Variants in CDH18 observed in about 807,000 individuals in gnomAD.
CDH18 encodes the protein cadherin-18.
In CDH18, 31 loss-of-function variants were observed where a neutral mutation model predicts 67.9. The ratio of observed to expected loss-of-function variants is 0.46; its 90% CI spans 0.34 to 0.62. The LOEUF (loss-of-function observed/expected upper bound fraction) is 0.62. Among genes scored for constraint, CDH18 ranks in the 20% least tolerant of loss-of-function variants. CDH18 has a pLI of 0.01. For synonymous variants in CDH18, 362 were observed against 347.2 expected (o/e 1.04, Z -0.48); for missense variants, 890 against 975.5 (o/e 0.91, Z 1.17).
intron 4 of CDH18, among the ~76,000 whole-genome samples, chr5:19,737,146 GT>G (rs538970553): frequency 3.0e-4 from 46 of 151,906 alleles, no homozygotes; most frequent in African/African-American, 8.2e-4. Context: ...CCTTCACAGT[GT>G]TTTTTTTCTA....
intron 2 of CDH18, among the ~76,000 whole-genome samples, chr5:20,037,887 A>T (rs200194464): frequency 6.6e-6 from 1 of 152,202 alleles, no homozygotes; most frequent in East Asian, 1.9e-4. Flanking sequence ...GACACAAAAA[A>T]CCCTTCAAAA....
intron 1 of CDH18, among the ~76,000 whole-genome samples, chr5:20,386,258 G>T (rs149976960): frequency 1.7e-4 from 26 of 152,116 alleles, no homozygotes; most frequent in South Asian, 8.3e-4. Context: ...CATGCTGTCC[G>T]TTTAAGCAGA....
At chr5:19,950,194 A>G (rs1795658081) in intron 2 of CDH18, among the ~76,000 whole-genome samples, 1 of 152,014 alleles carries the variant, frequency 6.6e-6, no homozygotes, top group Non-Finnish European at 1.5e-5. Context: ...TAAGATATAA[A>G]AGGGAATGAA....
chr5:20,125,310 TTG>T (rs369804573), intron 2 of CDH18, among the ~76,000 whole-genome samples: 1 of 151,436 alleles, frequency 6.6e-6, no homozygotes, highest in East Asian at 1.9e-4. Context: ...GTATATGTGT[TTG>T]TGTGTGGATG....
chr5:20,189,036 C>T (rs1221917241), intron 2 of CDH18, among the ~76,000 whole-genome samples: 1 of 151,930 alleles, frequency 6.6e-6, no homozygotes, highest in Non-Finnish European at 1.5e-5. Flanking sequence ...ATGGCAATCC[C>T]CCAGATTAAT....
chr5:20,571,727 CTGA>C (rs1255722935), intron 1 of CDH18, among the ~76,000 whole-genome samples: 1 of 152,106 alleles, frequency 6.6e-6, no homozygotes, highest in Non-Finnish European at 1.5e-5. Flanking sequence ...AACTTCTACA[CTGA>C]TAAGTCAAGG....
intron 5 of CDH18, among the ~76,000 whole-genome samples, chr5:19,704,325 A>G (rs1051233091): frequency 8.5e-5 from 13 of 152,178 alleles, no homozygotes; most frequent in African/African-American, 3.1e-4. Flanking sequence ...CCTGAAGTAT[A>G]TCAAAGTAGT....
At chr5:20,003,145 G>C (rs1477709366) in intron 2 of CDH18, among the ~76,000 whole-genome samples, 1 of 152,132 alleles carries the variant, frequency 6.6e-6, no homozygotes, top group Admixed American at 6.5e-5. Context: ...GATGTGAAAA[G>C]ATAAGTGTGT....
intron 1 of CDH18, among the ~76,000 whole-genome samples, chr5:20,528,554 C>A (rs1186137098): frequency 1.3e-5 from 2 of 152,068 alleles, no homozygotes; most frequent in South Asian, 2.1e-4. Flanking sequence ...AACAAACTGT[C>A]TTTCAGAACA....
intron 4 of CDH18, among the ~76,000 whole-genome samples, chr5:19,745,469 A>C (rs193049896): frequency 6.6e-6 from 1 of 152,256 alleles, no homozygotes; most frequent in Admixed American, 6.5e-5. Flanking sequence ...GCTCACCAGG[A>C]GCACTCTCAC....
At position 19,994,855 on chromosome 5, in the gene CDH18, T is replaced by TATATATATATAGAGAGAG. The variant is rs760777430; in HGVS notation, c.-517-2842_-517-2841insCTCTCTCTATATATATAT. The stretch of plus-strand genomic sequence containing the variant: ...ATATATATATATATATATATATATA[T>TATATATATATAGAGAGAG]AGAGAGAGAGAGAGAGAGAGAGATG... On this transcript the variant is annotated intron_variant, in intron 2 of 14. Coordinates refer to the CDH18 transcript ENST00000507958. Among the ~76,000 whole-genome samples, 22 of 67,586 alleles carry TATATATATATAGAGAGAG rather than the reference T, an allele frequency of 3.3e-4. 2 individuals are homozygous for TATATATATATAGAGAGAG. Among genetic ancestry groups the TATATATATATAGAGAGAG allele is most frequent in the African/African-American group, 1.4e-3 (19 of 13,586 alleles). 44.3% of individuals were successfully genotyped at this position (67,586 alleles called of 152,430 possible).
chr5:20,504,760 ATTTTT>A (rs70954666), intron 1 of CDH18, among the ~76,000 whole-genome samples: 1 of 67,984 alleles, frequency 1.5e-5, no homozygotes, highest in African/African-American at 5.4e-5. Context: ...ACAAAAGGGA[ATTTTT>A]TTTTTTTTTT....
chr5:19,879,704 G>A (rs980877003), intron 2 of CDH18, among the ~76,000 whole-genome samples: 2 of 151,864 alleles, frequency 1.3e-5, no homozygotes, highest in African/African-American at 4.8e-5. Context: ...ATAGGAAATG[G>A]GATATGTGTG....
At chr5:19,776,750 A>C (rs1774429430) in intron 3 of CDH18, among the ~76,000 whole-genome samples, 1 of 152,196 alleles carries the variant, frequency 6.6e-6, no homozygotes, top group African/African-American at 2.4e-5. Flanking sequence ...AAGACTATAT[A>C]AGTGGGAGCT....
At chr5:20,010,146 C>T (rs1286350655) in intron 2 of CDH18, among the ~76,000 whole-genome samples, 2 of 145,576 alleles carry the variant, frequency 1.4e-5, no homozygotes, top group Non-Finnish European at 3.0e-5. Context: ...TACCACACAA[C>T]CTAGTGGAAA....
chr5:19,514,338 T>C (rs1189965687), intron 10 of CDH18, among the ~76,000 whole-genome samples: 1 of 152,232 alleles, frequency 6.6e-6, no homozygotes, highest in Non-Finnish European at 1.5e-5. Context: ...TAGCATGGTG[T>C]ATAATCCTTT....
chr5:19,865,458 A>C (rs1785383954), intron 2 of CDH18, among the ~76,000 whole-genome samples: 1 of 152,140 alleles, frequency 6.6e-6, no homozygotes, highest in South Asian at 2.1e-4. Context: ...GGGCAAATTT[A>C]AATAGTCATT....
chr5:20,020,565 GC>G (rs2150432106), intron 2 of CDH18, among the ~76,000 whole-genome samples: 1 of 152,212 alleles, frequency 6.6e-6, no homozygotes, highest in South Asian at 2.1e-4. Flanking sequence ...GGATAAAGGG[GC>G]CCCAGATACA....
chr5:19,994,310 T>C (rs1046121617), intron 2 of CDH18, among the ~76,000 whole-genome samples: 2 of 151,492 alleles, frequency 1.3e-5, no homozygotes, highest in Non-Finnish European at 2.9e-5. Context: ...TATACACATA[T>C]ATGTATACAT....
Sources: allele counts gnomAD v4.1 joint callset (sites outside exome capture counted in the v4.1 genomes callset), GRCh38; gene constraint gnomAD v4.1.1; transcripts MANE v1.5; gene names NCBI Gene and HGNC (gene_info 2026-07-23, HGNC 2026-07-21).